DRC11L: variants seen among roughly 807,000 people sequenced by gnomAD.
DRC11L encodes dynein regulatory complex subunit 11 like.
the DRC11L span, chr7:151,192,875 G>A: frequency 2.5e-6 from 1 of 398,952 alleles, no homozygotes; most frequent in Non-Finnish European, 4.4e-6. Context: ...TGTCTCTGGA[G>A]AAGGGTCATG....
the DRC11L span, chr7:151,204,567 G>T: frequency 2.5e-6 from 1 of 398,770 alleles, no homozygotes; most frequent in East Asian, 3.6e-5. Flanking sequence ...ACACAGGTCG[G>T]CGCGCACCAG....
chr7:151,201,913 C>T, the DRC11L span, among the ~76,000 whole-genome samples: 2 of 152,176 alleles, frequency 1.3e-5, no homozygotes, highest in Non-Finnish European at 2.9e-5. This position sits in a 1 kb window ranked among gnomAD's most constrained non-coding sequence, Gnocchi z 4.1. Context: ...CCACTACTAC[C>T]AGGAGTCAGC....
At chr7:151,204,393 A>C in the DRC11L span, 47 of 279,848 alleles carry the variant, frequency 1.7e-4, no homozygotes, top group Middle Eastern at 9.8e-4. Context: ...ACCCCACCCG[A>C]CCCCAAGCTG....
the DRC11L span, chr7:151,190,940 T>A: frequency 5.0e-6 from 2 of 399,610 alleles, no homozygotes; most frequent in Non-Finnish European, 8.8e-6. Flanking sequence ...CACTGCCCTG[T>A]CCCACGCCAC....
chr7:151,201,549 G>A, the DRC11L span, among the ~76,000 whole-genome samples: 1 of 152,202 alleles, frequency 6.6e-6, no homozygotes, highest in Non-Finnish European at 1.5e-5. This position sits in a 1 kb window ranked among gnomAD's most constrained non-coding sequence, Gnocchi z 4.1. Flanking sequence ...AGTAATGCAC[G>A]AATCTATCCC....
At chr7:151,200,350 C>G in the DRC11L span, 1 of 399,100 alleles carries the variant, frequency 2.5e-6, no homozygotes, top group Admixed American at 4.4e-5. Flanking sequence ...CCCTGTGTTC[C>G]AGGACCCACC....
chr7:151,200,382 C>T, the DRC11L span: 4 of 399,144 alleles, frequency 1.0e-5, no homozygotes, highest in Non-Finnish European at 1.8e-5. Flanking sequence ...GTTGAGCTCA[C>T]CATGCCAATG....
At chr7:151,205,200 G>A in the DRC11L span, among the ~76,000 whole-genome samples, 3 of 152,120 alleles carry the variant, frequency 2.0e-5, no homozygotes, top group Non-Finnish European at 4.4e-5. Flanking sequence ...AGTGATCTGG[G>A]CTGGTGGATG....
the DRC11L span, chr7:151,194,725 C>A: frequency 2.5e-6 from 1 of 394,402 alleles, no homozygotes; most frequent in Non-Finnish European, 4.5e-6. Context: ...TTCTCCTGTA[C>A]AACATTCTGT....
the DRC11L span, chr7:151,199,096 G>A: frequency 2.8e-5 from 11 of 398,098 alleles, no homozygotes; most frequent in Non-Finnish European, 4.9e-5. The surrounding 1 kb of genome is among the most constrained non-coding windows in gnomAD (Gnocchi z 5.2). Context: ...ACACACGCCT[G>A]TACCCACTCC....
the DRC11L span, among the ~76,000 whole-genome samples, chr7:151,203,843 T>C: frequency 2.0e-5 from 3 of 152,178 alleles, no homozygotes; most frequent in Non-Finnish European, 4.4e-5. Flanking sequence ...TGACAGGACC[T>C]GGGGAATCTT....
At chr7:151,199,344 G>C in the DRC11L span, among the ~76,000 whole-genome samples, 1 of 151,478 alleles carries the variant, frequency 6.6e-6, no homozygotes, top group Non-Finnish European at 1.5e-5. The surrounding 1 kb of genome is among the most constrained non-coding windows in gnomAD (Gnocchi z 5.2). Context: ...GTTGGCAGCC[G>C]CTCTCGCAGC....
At chr7:151,204,610 C>T in the DRC11L span, 1 of 399,148 alleles carries the variant, frequency 2.5e-6, no homozygotes, top group Non-Finnish European at 4.4e-6. Context: ...CGGCCCGCCA[C>T]GCCGTCCAGC....
the DRC11L span, chr7:151,204,362 G>C: frequency 7.5e-6 from 3 of 397,472 alleles, 1 homozygote; most frequent in East Asian, 1.1e-4. Context: ...CGGGTAGGCA[G>C]GGGTGGTCGG....
At chr7:151,200,345 T>C in the DRC11L span, 145 of 399,294 alleles carry the variant, frequency 3.6e-4, 1 homozygote, top group Middle Eastern at 4.4e-3. Context: ...GCCAGCCCTG[T>C]GTTCCAGGAC....
the DRC11L span, among the ~76,000 whole-genome samples, chr7:151,204,163 C>T: frequency 6.6e-6 from 1 of 152,148 alleles, no homozygotes; most frequent in Non-Finnish European, 1.5e-5. Context: ...CCCTGCGGTT[C>T]GTGGGTCTTC....
At chr7:151,194,886 G>A in the DRC11L span, among the ~76,000 whole-genome samples, 1 of 152,230 alleles carries the variant, frequency 6.6e-6, no homozygotes, top group East Asian at 1.9e-4. Flanking sequence ...TCTGCCCCCT[G>A]ACCAAAGGTC....
At chr7:151,190,953 ATC>A in the DRC11L span, 6 of 399,744 alleles carry the variant, frequency 1.5e-5, no homozygotes, top group Non-Finnish European at 2.6e-5. Context: ...CACGCCACTA[ATC>A]TCAGGTGCCC....
the DRC11L span, among the ~76,000 whole-genome samples, chr7:151,202,335 A>G: frequency 6.6e-6 from 1 of 152,146 alleles, no homozygotes; most frequent in Non-Finnish European, 1.5e-5. Flanking sequence ...AGCAGGATAC[A>G]TTTTAGTGGC....
Sources: gnomAD v4.1 joint callset for allele counts (sites outside exome capture counted in the v4.1 genomes callset) on GRCh38, gnomAD v4.1.1 for gene constraint, Gnocchi (gnomAD v3.1) non-coding constraint, MANE v1.5 for transcripts, NCBI Gene and HGNC (gene_info 2026-07-23, HGNC 2026-07-21) for gene names.